Variants in TULP4 observed in about 807,000 individuals in gnomAD.
TULP4 encodes TUB like protein 4.
TULP4 carries 16 observed loss-of-function variants against 129.0 expected under a neutral mutation model. That is an observed-to-expected ratio of 0.12 (90% confidence interval 0.08 to 0.19). The LOEUF (loss-of-function observed/expected upper bound fraction) is 0.19, where lower values mean the gene tolerates loss of function less well. Ranked by LOEUF, TULP4 falls within the 10% of genes least tolerant of loss-of-function variation. The pLI is 1.00. For missense variants in TULP4, 1,842 were observed against 2,059.1 expected, an observed-to-expected ratio of 0.89 and a Z score of 2.04; for synonymous variants, 998 against 854.0, an observed-to-expected ratio of 1.17 and a Z score of -2.94.
At chr6:158,272,173 T>C (rs991530524) in intron 1 of TULP4, among the ~76,000 whole-genome samples, 2 of 152,084 alleles carry the variant, frequency 1.3e-5, no homozygotes, top group Non-Finnish European at 2.9e-5. Context: ...TAATTCAAGG[T>C]GCCAAGGACC....
intron 2 of TULP4, among the ~76,000 whole-genome samples, chr6:158,420,933 A>G (rs995700641): frequency 1.3e-5 from 2 of 152,254 alleles, no homozygotes; most frequent in Non-Finnish European, 1.5e-5. Flanking sequence ...ATTTATTCTG[A>G]GCCAAACATG....
At chr6:158,277,534 G>C (rs1351368042), upstream of TULP4, among the ~76,000 whole-genome samples, 3 of 152,184 alleles carry the variant, frequency 2.0e-5, no homozygotes, top group African/African-American at 7.2e-5. Flanking sequence ...GTTAATTGGG[G>C]AGATTTATGT....
At chr6:158,257,663 G>T (rs985712875) in intron 1 of TULP4, among the ~76,000 whole-genome samples, 1 of 152,206 alleles carries the variant, frequency 6.6e-6, no homozygotes, top group African/African-American at 2.4e-5. Flanking sequence ...TTAGGTGAAT[G>T]GAGGTGCTGT....
rs1340846619 is a variant in TULP4 at position 158,240,510 on chromosome 6, CG to C, written n.68+8210del. Among the ~76,000 whole-genome samples, 5 of 87,194 alleles carry C rather than the reference CG, an allele frequency of 5.7e-5. No homozygotes were observed. In the East Asian group the frequency reaches 2.2e-3, roughly 39 times the overall value. The allele number at this position is 87,194 out of a possible 152,430, so 57.2% of individuals were successfully genotyped here. A position where few individuals can be genotyped will look rare whatever the true frequency, so the allele number is the denominator to read the frequency against. On this transcript the variant is annotated intron_variant and non_coding_transcript_variant, in intron 1 of 1. Transcript: ENST00000620026. ...CTCCCTCCCGGACAGGGCGGCTGGC[CG>C]GGCGGGGGGCTGACCCCCCCACCTC...
rs57349259 is a variant in TULP4 at position 158,392,985 on chromosome 6, TA to T, written c.253-20064del. ...GACAGAGTGAGACTCTGTCTGTATTTAAAAAAAAAAAAAAAATCAACAACAA... is the reference window on the plus strand; with the variant it reads ...GACAGAGTGAGACTCTGTCTGTATTTAAAAAAAAAAAAAAATCAACAACAA... On this transcript the variant is annotated intron_variant, in intron 1 of 13. Coordinates refer to ENST00000367097, the MANE Select transcript of TULP4 (RefSeq NM_020245.5). Among the ~76,000 whole-genome samples the T allele has an allele frequency of 4.7e-3, 653 of 138,454 alleles. 10 individuals carry two copies. The highest frequency in any genetic ancestry group is 0.014 in the African/African-American group (549 of 38,766). 90.8% of individuals were successfully genotyped at this position (138,454 alleles called of 152,430 possible).
chr6:158,460,912 TAA>T (rs371202204), intron 5 of TULP4, among the ~76,000 whole-genome samples: 18 of 141,628 alleles, frequency 1.3e-4, no homozygotes, highest in East Asian at 2.0e-4. Flanking sequence ...TGCTGTCTCT[TAA>T]AAAAAAAAAA....
upstream of TULP4, among the ~76,000 whole-genome samples, chr6:158,278,391 T>C (rs539986078): frequency 6.6e-6 from 1 of 152,214 alleles, no homozygotes; most frequent in Admixed American, 6.5e-5. Context: ...ATACTAGTTT[T>C]TTTTTTTTTT....
chr6:158,247,898 A>G (rs1337731425), intron 1 of TULP4, among the ~76,000 whole-genome samples: 1 of 152,226 alleles, frequency 6.6e-6, no homozygotes, highest in African/African-American at 2.4e-5. Context: ...GAAAATATAC[A>G]GGATTATCTT....
chr6:158,333,781 T>A (rs1779970308), intron 1 of TULP4, among the ~76,000 whole-genome samples: 1 of 152,196 alleles, frequency 6.6e-6, no homozygotes, highest in Non-Finnish European at 1.5e-5. Flanking sequence ...TATTTTGTCA[T>A]TTACTGGCTA....
chr6:158,392,790 A>ATTTGTTTTTTTTT (rs1554286987), intron 1 of TULP4, among the ~76,000 whole-genome samples: 1 of 38,630 alleles, frequency 2.6e-5, no homozygotes, highest in South Asian at 8.3e-4. Flanking sequence ...TTAAATTTGT[A>ATTTGTTTTTTTTT]TTTCTTTTTT....
intron 1 of TULP4, among the ~76,000 whole-genome samples, chr6:158,307,147 G>T (rs973256117): frequency 2.6e-5 from 4 of 152,090 alleles, no homozygotes; most frequent in African/African-American, 9.7e-5. Flanking sequence ...AATAATAAGA[G>T]TGTATTGTTT....
chr6:158,360,402 C>T (rs1361978540), intron 1 of TULP4, among the ~76,000 whole-genome samples: 1 of 152,108 alleles, frequency 6.6e-6, no homozygotes, highest in South Asian at 2.1e-4. Context: ...CTCGAGTGCA[C>T]ATGTCAGTGT....
intron 1 of TULP4, among the ~76,000 whole-genome samples, chr6:158,378,482 T>TTTTTTTTTG (rs1777246102): frequency 8.1e-6 from 1 of 123,622 alleles, no homozygotes; most frequent in Non-Finnish European, 1.8e-5. Flanking sequence ...TTTTTTTTTT[T>TTTTTTTTTG]TTTGGTGGGG....
intron 1 of TULP4, among the ~76,000 whole-genome samples, chr6:158,395,709 G>A (rs977171091): frequency 6.6e-6 from 1 of 151,574 alleles, no homozygotes; most frequent in African/African-American, 2.4e-5. Flanking sequence ...ATGGACTAGG[G>A]GTCACTGTTT....
chr6:158,340,572 T>G (rs992878299), intron 1 of TULP4, among the ~76,000 whole-genome samples: 10 of 152,148 alleles, frequency 6.6e-5, no homozygotes, highest in African/African-American at 2.4e-4. Flanking sequence ...TCCTGGGTCT[T>G]CTGAGAACAT....
Position 158,449,143 on chromosome 6 carries a change from G to C in TULP4, c.691G>C (p.Asp231His). 6.2e-7 allele frequency: 1 copy of C among 1,613,808 alleles called. No individual in the cohort carries two copies. The highest frequency in any genetic ancestry group is 8.5e-7 in the Non-Finnish European group (1 of 1,179,924). Residue 231 changes from aspartate to histidine, a missense_variant, in exon 4 of 14, where the codon GAC (aspartate) becomes CAC (histidine). Asp to His is a moderately conservative substitution (Grantham distance 81). Coordinates refer to ENST00000367097, the MANE Select transcript of TULP4 (RefSeq NM_020245.5). ...CCTGGTGGAGGACAGCAGCGAGAGC[G>C]ACACGGACTCAGATGACTACGCCCC... ...IFLVEDSSESDTDSDDYAPPQ... is the reference protein window; with the variant it reads ...IFLVEDSSESHTDSDDYAPPQ...
intron 4 of TULP4, among the ~76,000 whole-genome samples, chr6:158,449,898 C>T (rs987591505): frequency 2.0e-5 from 3 of 152,098 alleles, no homozygotes; most frequent in African/African-American, 7.2e-5. Flanking sequence ...AATTGAGATA[C>T]AATAATTGTA....
At chr6:158,486,551 CAAAA>C (rs150272102) in intron 8 of TULP4, among the ~76,000 whole-genome samples, 1 of 149,898 alleles carries the variant, frequency 6.7e-6, no homozygotes, top group Non-Finnish European at 1.5e-5. Flanking sequence ...AGACTCGTCT[CAAAA>C]AAAAAGGCAA....
chr6:158,440,028 A>T lies in TULP4; in HGVS notation c.544-8968A>T, dbSNP rs555123289. ...GTCCGGCCTAGAGTGTTTCTTTTTT[A>T]AAAAAAAATAAATCTGACCTGGCGC... On this transcript the variant is annotated intron_variant, in intron 3 of 13. Coordinates refer to ENST00000367097, the MANE Select transcript of TULP4 (RefSeq NM_020245.5). Among the ~76,000 whole-genome samples, 81 of 149,778 alleles carry T rather than the reference A, an allele frequency of 5.4e-4. 1 individual carries two copies. The highest frequency in any genetic ancestry group is 2.4e-3 in the East Asian group (12 of 5,026).
Sources: allele counts gnomAD v4.1 joint callset (sites outside exome capture counted in the v4.1 genomes callset), GRCh38; gene constraint gnomAD v4.1.1; transcripts MANE v1.5; gene names NCBI Gene and HGNC (gene_info 2026-07-23, HGNC 2026-07-21).